STK39: variants seen among roughly 807,000 people sequenced by gnomAD.
STK39 encodes the protein STE20/SPS1-related proline-alanine-rich protein kinase.
STK39 carries 20 observed loss-of-function variants against 77.8 expected under a neutral mutation model. That is an observed-to-expected ratio of 0.26 (90% CI 0.18 to 0.37). STK39 has a LOEUF of 0.37. STK39 is among the 10% of genes least tolerant of loss of function. The pLI is 1.00. For missense variants in STK39, 479 were observed against 656.5 expected (o/e 0.73, Z 2.95); for synonymous variants, 246 against 234.1 (o/e 1.05, Z -0.47).
Position 168,063,490 on chromosome 2 carries a change from T to A in STK39, c.1376+10A>T, listed in dbSNP as rs370755038. 3 of 1,608,782 alleles carry A rather than the reference T, an allele frequency of 1.9e-6. No homozygotes were observed. The highest frequency in any genetic ancestry group is 2.7e-5 in the African/African-American group (2 of 74,610). On this transcript the variant is annotated intron_variant, in intron 14 of 17. Coordinates refer to ENST00000355999, the MANE Select transcript of STK39 (RefSeq NM_013233.3). ...AAAAACAATGCAGAATAAACAACAG[T>A]ATTATTTACCTTAATCTCAAAACGA...
At chr2:167,958,602 T>C (rs1357981854) in intron 17 of STK39, among the ~76,000 whole-genome samples, 1 of 152,196 alleles carries the variant, frequency 6.6e-6, no homozygotes, top group Non-Finnish European at 1.5e-5. Context: ...TCTACTGTTT[T>C]ATGCTGTTTT....
At chr2:167,998,166 A>C (rs538441428) in intron 16 of STK39, among the ~76,000 whole-genome samples, 1 of 152,230 alleles carries the variant, frequency 6.6e-6, no homozygotes, top group South Asian at 2.1e-4. Context: ...ATGCATAAAC[A>C]CTCCCACTCC....
intron 16 of STK39, among the ~76,000 whole-genome samples, chr2:168,000,427 C>T (rs1432795849): frequency 6.6e-6 from 1 of 152,172 alleles, no homozygotes; most frequent in East Asian, 1.9e-4. Flanking sequence ...GGCTGAGAAG[C>T]CCATTAGAAT....
intron 16 of STK39, among the ~76,000 whole-genome samples, chr2:167,982,906 T>C (rs571440351): frequency 2.0e-5 from 3 of 152,268 alleles, no homozygotes; most frequent in African/African-American, 7.2e-5. Flanking sequence ...CTGACCTTAT[T>C]AGATGCTTTA....
At chr2:167,980,362 C>T (rs190279415) in intron 16 of STK39, among the ~76,000 whole-genome samples, 65 of 152,334 alleles carry the variant, frequency 4.3e-4, no homozygotes, top group African/African-American at 1.4e-3. Context: ...CGTACCGTCA[C>T]TCTCACTTTA....
At chr2:168,242,574 T>A (rs1452882610) in intron 1 of STK39, among the ~76,000 whole-genome samples, 18,951 of 67,884 alleles carry the variant, frequency 0.28, 4,102 homozygotes, top group South Asian at 0.35. Context: ...TATATATATA[T>A]ATATATATAT....
chr2:168,217,041 C>T (rs962231961), intron 1 of STK39, among the ~76,000 whole-genome samples: 2 of 152,328 alleles, frequency 1.3e-5, no homozygotes, highest in African/African-American at 4.8e-5. Context: ...ACTGCTCAGA[C>T]CTGCCAGGGT....
intron 4 of STK39, 58 bp from the exon 5 acceptor site, chr2:168,161,900 T>A: frequency 7.7e-7 from 1 of 1,296,018 alleles, no homozygotes; most frequent in Non-Finnish European, 1.1e-6. Context: ...AGTGTATTGA[T>A]TCACTCAGGA....
At chr2:168,079,756 C>T (rs993088583) in intron 10 of STK39, among the ~76,000 whole-genome samples, 4 of 152,214 alleles carry the variant, frequency 2.6e-5, no homozygotes, top group Admixed American at 2.0e-4. Context: ...AACACTTTCC[C>T]TCATTGCCAG....
chr2:167,964,598 A>G (rs1434460799), intron 17 of STK39, 64 bp downstream of exon 17: 3 of 1,397,228 alleles, frequency 2.1e-6, no homozygotes, highest in Non-Finnish European at 3.0e-6. Context: ...AAACTAGATT[A>G]TTATTCCCTG....
At position 168,217,899 on chromosome 2, in the gene STK39, G is replaced by A. The variant is rs148341649; in HGVS notation, c.208+29329C>T. Among the ~76,000 whole-genome samples the A allele has an allele frequency of 1.3e-3, 193 of 152,290 alleles. 1 individual carries two copies. Among genetic ancestry groups the A allele is most frequent in the African/African-American group, 4.3e-3 (179 of 41,558 alleles). ...AGTCAAAGCCAGCCCTAGAAACATA[G>A]TCTCCTATGGAGGGGAGGAAGAAAA... is the stretch of plus-strand genomic sequence containing the variant. On this transcript the variant is annotated intron_variant, in intron 1 of 17. Coordinates refer to ENST00000355999, the MANE Select transcript of STK39 (RefSeq NM_013233.3).
At chr2:168,066,100 AACTT>A (rs1685787483) in intron 12 of STK39, among the ~76,000 whole-genome samples, 1 of 152,222 alleles carries the variant, frequency 6.6e-6, no homozygotes, top group Admixed American at 6.5e-5. Context: ...CCTATTTCTA[AACTT>A]ACTATCAATT....
intron 16 of STK39, among the ~76,000 whole-genome samples, chr2:167,989,166 C>T (rs1384512791): frequency 6.6e-6 from 1 of 152,170 alleles, no homozygotes; most frequent in Non-Finnish European, 1.5e-5. Flanking sequence ...AGCTCATTCC[C>T]AGTGGTCTGT....
At chr2:168,048,447 C>T (rs911359344) in intron 14 of STK39, among the ~76,000 whole-genome samples, 3 of 152,076 alleles carry the variant, frequency 2.0e-5, no homozygotes, top group South Asian at 2.1e-4. Flanking sequence ...CTCCTGACCT[C>T]GTGATCCGCC....
intron 14 of STK39, among the ~76,000 whole-genome samples, chr2:168,034,227 C>A (rs1320165085): frequency 1.3e-5 from 2 of 152,194 alleles, no homozygotes; most frequent in Non-Finnish European, 2.9e-5. Flanking sequence ...GAGACTGACA[C>A]TCTGGCTTGG....
At chr2:168,051,463 G>C (rs1685392678) in intron 14 of STK39, among the ~76,000 whole-genome samples, 1 of 152,142 alleles carries the variant, frequency 6.6e-6, no homozygotes, top group African/African-American at 2.4e-5. Flanking sequence ...TCTGTGTAAT[G>C]ACATTAAAAG....
At chr2:168,041,219 A>C (rs1258303573) in intron 14 of STK39, among the ~76,000 whole-genome samples, 1 of 151,716 alleles carries the variant, frequency 6.6e-6, no homozygotes, top group Non-Finnish European at 1.5e-5. Context: ...AAAATATGCA[A>C]TCCTTCCAAC....
intron 5 of STK39, among the ~76,000 whole-genome samples, chr2:168,149,132 C>G (rs1341929607): frequency 2.6e-5 from 4 of 152,198 alleles, no homozygotes; most frequent in South Asian, 2.1e-4. Context: ...GCATATGGTT[C>G]TTTTTCACCA....
chr2:167,963,182 A>T (rs569722010), intron 17 of STK39, among the ~76,000 whole-genome samples: 1 of 152,138 alleles, frequency 6.6e-6, no homozygotes, highest in Non-Finnish European at 1.5e-5. Context: ...CAGGAAATGG[A>T]GATGCAGGGA....
Sources: gnomAD v4.1 joint callset for allele counts (sites outside exome capture counted in the v4.1 genomes callset) on GRCh38, gnomAD v4.1.1 for gene constraint, MANE v1.5 for transcripts, NCBI Gene and HGNC (gene_info 2026-07-23, HGNC 2026-07-21) for gene names.